Variants in NRXN3 observed in about 807,000 individuals in gnomAD.
The protein encoded by NRXN3 is neurexin III.
In NRXN3, 32 loss-of-function variants were observed where a neutral mutation model predicts 137.6. The observed-to-expected ratio is 0.23, with a 90% confidence interval of 0.18 to 0.31. The LOEUF is 0.31. NRXN3 is among the 10% of genes least tolerant of loss of function. NRXN3 has a pLI of 1.00. For missense variants in NRXN3, 1,574 were observed against 2,062.5 expected (o/e 0.76, Z 4.59); for synonymous variants, 798 against 784.5 (o/e 1.02, Z -0.29).
At chr14:78,441,878 T>C (rs898322755) in intron 4 of NRXN3, among the ~76,000 whole-genome samples, 4 of 152,008 alleles carry the variant, frequency 2.6e-5, no homozygotes, top group African/African-American at 9.7e-5. Context: ...AGGTGGGTCA[T>C]CTGAGGTCAG....
intron 4 of NRXN3, among the ~76,000 whole-genome samples, chr14:78,452,525 A>G (rs2094575431): frequency 6.6e-6 from 1 of 152,178 alleles, no homozygotes; most frequent in Non-Finnish European, 1.5e-5. Context: ...TTTTCTTGGT[A>G]TGAGGAATAT....
intron 7 of NRXN3, among the ~76,000 whole-genome samples, chr14:78,714,126 C>G (rs17835635): frequency 0.061 from 9,354 of 152,222 alleles, 334 homozygotes; most frequent in Middle Eastern, 0.17. Context: ...AGGGAATGCT[C>G]AAAATATTCA....
chr14:78,404,810 T>G (rs982927128), intron 4 of NRXN3, among the ~76,000 whole-genome samples: 4 of 152,164 alleles, frequency 2.6e-5, no homozygotes, highest in Non-Finnish European at 5.9e-5. Flanking sequence ...AGAGTAATGT[T>G]GATTGGTAGA....
intron 15 of NRXN3, among the ~76,000 whole-genome samples, chr14:79,371,905 A>G (rs1296649980): frequency 1.3e-5 from 2 of 152,190 alleles, no homozygotes; most frequent in Non-Finnish European, 2.9e-5. Context: ...GATGTTCCAC[A>G]AAGGAAACTC....
chr14:78,415,232 G>A (rs1440910957), intron 4 of NRXN3, among the ~76,000 whole-genome samples: 2 of 152,274 alleles, frequency 1.3e-5, no homozygotes, highest in Middle Eastern at 3.4e-3. Context: ...TGGATGAGAT[G>A]ACAGCATGTA....
In NRXN3 at chr14:79,697,895, G is replaced by GACT. The variant is rs2098741052; in HGVS notation, c.3975_3977dup (p.Thr1328dup). On this transcript the variant is annotated inframe_insertion, in exon 19 of 21. Coordinates refer to ENST00000335750, the MANE Select transcript of NRXN3 (RefSeq NM_001330195.2). ...TCATGGAAACCACTACTACAATGGC[G>GACT]ACTACCACAACCCGTAAGAATCGCT... The GACT allele has an allele frequency of 1.2e-6, 2 of 1,613,012 alleles. No individual in the cohort carries two copies. Among genetic ancestry groups the GACT allele is most frequent in the Non-Finnish European group, 8.5e-7 (1 of 1,179,312 alleles).
intron 15 of NRXN3, among the ~76,000 whole-genome samples, chr14:79,451,726 T>C (rs2153586979): frequency 6.6e-6 from 1 of 152,352 alleles, no homozygotes; most frequent in Non-Finnish European, 1.5e-5. Flanking sequence ...AATGCCAGCC[T>C]TGGCCCTTTG....
At chr14:79,736,980 A>G (rs2098944200) in intron 19 of NRXN3, among the ~76,000 whole-genome samples, 2 of 152,234 alleles carry the variant, frequency 1.3e-5, no homozygotes, top group Non-Finnish European at 2.9e-5. Flanking sequence ...TCAAAAATGA[A>G]CAGATTAAAA....
chr14:79,396,012 A>G (rs1432204735), intron 15 of NRXN3, among the ~76,000 whole-genome samples: 3 of 152,332 alleles, frequency 2.0e-5, no homozygotes, highest in South Asian at 4.1e-4. Flanking sequence ...ACACATATAT[A>G]CATGCTATGC....
At chr14:78,988,262 C>A (rs1335874877) in intron 15 of NRXN3, 121 bp downstream of exon 15, 2 of 1,267,562 alleles carry the variant, frequency 1.6e-6, no homozygotes, top group African/African-American at 1.5e-5. Flanking sequence ...TTCTCTCCTC[C>A]AGAAACTTGG....
In NRXN3 at chr14:79,817,600, C is replaced by A. The variant is rs2099255681; in HGVS notation, c.4093+12410C>A. On this transcript the variant is annotated intron_variant, in intron 20 of 20. Transcript: ENST00000335750. ...CATTTTAAAGATAAGTAAATGGAGG[C>A]ACAGAGGAGCTAAGCAAATTATCAA... is the stretch of plus-strand genomic sequence containing the variant. Among the ~76,000 whole-genome samples, 3 of 152,194 alleles carry A rather than the reference C, an allele frequency of 2.0e-5. No homozygotes were observed. The East Asian group carries it at 5.8e-4, about 29-fold the overall frequency.
At chr14:79,398,541 A>G (rs1053395649) in intron 15 of NRXN3, among the ~76,000 whole-genome samples, 1 of 152,034 alleles carries the variant, frequency 6.6e-6, no homozygotes, top group Non-Finnish European at 1.5e-5. Context: ...AGTAACAAAG[A>G]GAAAGTGTAG....
At chr14:79,296,894 G>A (rs532811745) in intron 15 of NRXN3, among the ~76,000 whole-genome samples, 3 of 152,336 alleles carry the variant, frequency 2.0e-5, no homozygotes, top group Admixed American at 1.3e-4. Flanking sequence ...ATGTGGCCTA[G>A]CAGTTCCTGC....
chr14:79,602,086 C>A (rs80298176), intron 16 of NRXN3, among the ~76,000 whole-genome samples: 1 of 152,142 alleles, frequency 6.6e-6, no homozygotes, highest in African/African-American at 2.4e-5. Flanking sequence ...ATACAACATA[C>A]CTGTAAGATA....
At chr14:79,595,898 T>C (rs1425160011) in intron 16 of NRXN3, among the ~76,000 whole-genome samples, 5 of 152,196 alleles carry the variant, frequency 3.3e-5, no homozygotes, top group Middle Eastern at 3.2e-3. Flanking sequence ...TATGTAGCAA[T>C]TATTTCTCTA....
At chr14:79,568,111 C>T (rs539173763) in intron 16 of NRXN3, among the ~76,000 whole-genome samples, 16 of 152,070 alleles carry the variant, frequency 1.1e-4, no homozygotes, top group Non-Finnish European at 1.9e-4. Flanking sequence ...TCTTATTCAC[C>T]GCAAATACAG....
chr14:79,178,005 G>A (rs568048147), intron 15 of NRXN3, among the ~76,000 whole-genome samples: 1 of 152,276 alleles, frequency 6.6e-6, no homozygotes, highest in South Asian at 2.1e-4. Flanking sequence ...TGGCTATGTG[G>A]TTGTTGCCAT....
At chr14:79,083,022 AT>A (rs1241815765) in intron 15 of NRXN3, among the ~76,000 whole-genome samples, 1 of 152,006 alleles carries the variant, frequency 6.6e-6, no homozygotes, top group Admixed American at 6.6e-5. Flanking sequence ...TTGATACAAC[AT>A]TTTTTCTGCC....
At chr14:78,780,997 A>G (rs1421718636) in intron 8 of NRXN3, among the ~76,000 whole-genome samples, 1 of 152,200 alleles carries the variant, frequency 6.6e-6, no homozygotes, top group Non-Finnish European at 1.5e-5. Flanking sequence ...TAGAATGTAC[A>G]CTGCTTGTTA....
Sources: allele counts gnomAD v4.1 joint callset (sites outside exome capture counted in the v4.1 genomes callset), GRCh38; gene constraint gnomAD v4.1.1; transcripts MANE v1.5; gene names NCBI Gene and HGNC (gene_info 2026-07-23, HGNC 2026-07-21).